Variants in MMADHC observed in about 807,000 individuals in gnomAD.
MMADHC encodes cobalamin trafficking protein CblD.
Under a neutral mutation model 36.3 loss-of-function variants are expected in MMADHC, and 23 were observed. The observed-to-expected ratio is 0.63, with a 90% CI of 0.46 to 0.90. MMADHC has a LOEUF of 0.90. Ranked by LOEUF, MMADHC falls within the 40% of genes least tolerant of loss-of-function variation. MMADHC has a pLI of 0.00. For synonymous variants in MMADHC, 97 were observed against 116.1 expected (o/e 0.84, Z 1.06); for missense variants, 330 against 348.0 (o/e 0.95, Z 0.41).
At chr2:149,573,124 G>A (rs1457013458) in intron 6 of MMADHC, among the ~76,000 whole-genome samples, 1 of 152,006 alleles carries the variant, frequency 6.6e-6, no homozygotes, top group African/African-American at 2.4e-5. Context: ...AAATTTTATG[G>A]GAGCTCCTTG....
At position 149,573,042 on chromosome 2, in the gene MMADHC, G is replaced by A. The variant is rs549404894; in HGVS notation, c.610-1871C>T. ...ATTGTCTACAGATGCTTTAACACAA[G>A]GGTAGAGCTGGGTAGCTGAGACCCT... On this transcript the variant is annotated intron_variant, in intron 6 of 7. Coordinates refer to ENST00000303319, the MANE Select transcript of MMADHC (RefSeq NM_015702.3). 1.8e-3 allele frequency among the ~76,000 whole-genome samples: 271 copies of A among 152,226 alleles called. 1 individual carries two copies. The highest frequency in any genetic ancestry group is 6.3e-3 in the African/African-American group (261 of 41,542).
At chr2:149,576,597 T>G in intron 4 of MMADHC, 55 bp from the exon 5 acceptor site, 1 of 1,208,910 alleles carries the variant, frequency 8.3e-7, no homozygotes, top group Non-Finnish European at 1.2e-6. Context: ...TAAAACGGTA[T>G]CTTGCCTGTT....
intron 6 of MMADHC, among the ~76,000 whole-genome samples, chr2:149,573,427 G>A (rs753362165): frequency 2.6e-5 from 4 of 152,126 alleles, no homozygotes; most frequent in Non-Finnish European, 4.4e-5. Flanking sequence ...GCCCTTTGCC[G>A]CCTATAAAGC....
chr2:149,575,466 A>C (rs1682700928), intron 6 of MMADHC, among the ~76,000 whole-genome samples: 1 of 152,150 alleles, frequency 6.6e-6, no homozygotes. Context: ...TTTGTCATTT[A>C]CCAAATTTTC....
chr2:149,580,360 C>T (rs537730542), intron 3 of MMADHC, among the ~76,000 whole-genome samples: 25 of 151,942 alleles, frequency 1.6e-4, no homozygotes, highest in Non-Finnish European at 2.8e-4. Context: ...AAAATACGAA[C>T]GGGAAAAAAA....
At chr2:149,586,407 G>A (rs1286853627) in intron 2 of MMADHC, among the ~76,000 whole-genome samples, 2 of 152,034 alleles carry the variant, frequency 1.3e-5, no homozygotes, top group Non-Finnish European at 2.9e-5. Flanking sequence ...TGTCCTTCCC[G>A]CTCATATTTT....
At chr2:149,584,377 TC>T (rs1682833276) in intron 2 of MMADHC, among the ~76,000 whole-genome samples, 1 of 152,252 alleles carries the variant, frequency 6.6e-6, no homozygotes, top group African/African-American at 2.4e-5. Context: ...TATTTAATTT[TC>T]ATAACAATTC....
At chr2:149,581,342 G>A (rs560072478) in intron 3 of MMADHC, among the ~76,000 whole-genome samples, 1 of 152,224 alleles carries the variant, frequency 6.6e-6, no homozygotes, top group South Asian at 2.1e-4. Flanking sequence ...TTGGGGAGTA[G>A]TCAGAGAGTT....
At chr2:149,585,699 G>T (rs527923209) in intron 2 of MMADHC, among the ~76,000 whole-genome samples, 1 of 152,266 alleles carries the variant, frequency 6.6e-6, no homozygotes, top group East Asian at 1.9e-4. Flanking sequence ...TACCTGTCTA[G>T]ACTCTGAAAC....
In MMADHC at chr2:149,578,220, TG is replaced by T. The variant is rs531726588; in HGVS notation, c.372+1210del. Among the ~76,000 whole-genome samples, 257 of 152,238 alleles carry T rather than the reference TG, an allele frequency of 1.7e-3. 1 individual carries two copies. Among genetic ancestry groups the T allele is most frequent in the African/African-American group, 5.9e-3 (247 of 41,536 alleles). On this transcript the variant is annotated intron_variant, in intron 4 of 7. Coordinates refer to ENST00000303319, the MANE Select transcript of MMADHC (RefSeq NM_015702.3). ...GAGGCCTTGAACTCTGGCAAAGAAT[TG>T]AAAGGACACTAATATTTTAGGAGCA...
chr2:149,575,637 C>A (rs1050018152), intron 6 of MMADHC, 74 bp downstream of exon 6: 2 of 1,253,054 alleles, frequency 1.6e-6, no homozygotes, highest in Admixed American at 2.2e-5. Context: ...TGACAGTCAT[C>A]ATTTTAAGAC....
chr2:149,585,619 T>C (rs907725033), intron 2 of MMADHC, among the ~76,000 whole-genome samples: 2 of 152,240 alleles, frequency 1.3e-5, no homozygotes, highest in African/African-American at 2.4e-5. Flanking sequence ...CAAATCACTG[T>C]AGCTAAGGAA....
rs147370143 is a variant in MMADHC at position 149,575,742 on chromosome 2, A to G, written c.578T>C (p.Val193Ala). The change falls in exon 6 of 8, where the codon GTA becomes GCA. Residue 193 changes from valine to alanine, a missense_variant. By Grantham distance (64) the Val-to-Ala change is moderately conservative (BLOSUM62 0). Coordinates refer to ENST00000303319, the MANE Select transcript of MMADHC (RefSeq NM_015702.3). ...TAAGAGCACTTCTCTTTCAATTTCT[A>G]CTTCTTCACTCCAAACAGTCATATC... is the stretch of plus-strand genomic sequence containing the variant. Reference protein sequence around the residue: ...KNDMTVWSEEVEIEREVLLEK... With the variant: ...KNDMTVWSEEAEIEREVLLEK... 1.7e-3 allele frequency: 2,703 copies of G among 1,604,280 alleles called. 3 individuals carry two copies. Among genetic ancestry groups the G allele is most frequent in the Non-Finnish European group, 1.9e-3 (2,269 of 1,175,302 alleles).
At chr2:149,586,269 C>A (rs1024048212) in intron 2 of MMADHC, among the ~76,000 whole-genome samples, 2 of 152,162 alleles carry the variant, frequency 1.3e-5, no homozygotes, top group African/African-American at 2.4e-5. Context: ...TTGGTACCAA[C>A]CTCACAATTC....
rs1347714473 is a variant in MMADHC, at chr2:149,575,813, A to G, written c.507T>C (p.Ala169=). 6.2e-7 allele frequency: 1 copy of G among 1,603,682 alleles called. No homozygotes were observed. The highest frequency in any genetic ancestry group is 8.5e-7 in the Non-Finnish European group (1 of 1,171,694). ...CAGTCAGAATCATTAGTTTGCCATT[A>G]GCTACTTCTGGAAACAGTGATTCAA... is the stretch of plus-strand genomic sequence containing the variant. ...KDFESLFPEV[A]NGKLMILTVT... Residue 169 remains alanine, a synonymous_variant, in exon 6 of 8, where the codon GCT becomes GCC. Transcript: ENST00000303319.
chr2:149,585,087 C>G (rs1682849204), intron 2 of MMADHC, among the ~76,000 whole-genome samples: 1 of 151,246 alleles, frequency 6.6e-6, no homozygotes, highest in South Asian at 2.1e-4. Flanking sequence ...AAAAACAAAT[C>G]TGTAATTGTA....
Position 149,576,495 on chromosome 2 carries a change from G to A in MMADHC, c.420C>T (p.Tyr140=), listed in dbSNP as rs139369078. The A allele has an allele frequency of 1.5e-4, 238 of 1,613,706 alleles. No homozygotes were observed. In the African/African-American group the frequency reaches 2.5e-3, roughly 17 times the overall value. The stretch of plus-strand genomic sequence containing the variant: ...CACACTCTACTCTGGCACTTTCAAA[G>A]TAAGTTTCTGCACTGTTAATTTCTT... ...VEQEINSAET[Y]FESARVECAI... Residue 140 remains tyrosine, a synonymous_variant, in exon 5 of 8, where the codon TAC becomes TAT. Transcript: ENST00000303319.
rs369941766 is a variant in MMADHC at position 149,579,665 on chromosome 2, A to G, written c.155-17T>C. ...TTCGAGAGCCTGAAGAGAAACAACA[A>G]AAGGAACAGTTTCTCCTTAATAGTC... is the stretch of plus-strand genomic sequence containing the variant. On this transcript the variant is annotated splice_polypyrimidine_tract_variant and intron_variant, in intron 3 of 7. Transcript: ENST00000303319. 5.0e-6 allele frequency: 8 copies of G among 1,602,504 alleles called. No individual in the cohort carries two copies. The highest frequency in any genetic ancestry group is 1.3e-5 in the African/African-American group (1 of 74,698).
intron 6 of MMADHC, 77 bp from the exon 7 acceptor site, chr2:149,571,248 T>A: frequency 1.1e-6 from 1 of 917,796 alleles, no homozygotes; most frequent in Non-Finnish European, 1.6e-6. Context: ...AAATTTTAAG[T>A]GACTATCTTG....
Sources: allele counts gnomAD v4.1 joint callset (sites outside exome capture counted in the v4.1 genomes callset), GRCh38; gene constraint gnomAD v4.1.1; transcripts MANE v1.5; gene names NCBI Gene and HGNC (gene_info 2026-07-23, HGNC 2026-07-21).